CPEB1: variants seen among roughly 807,000 people sequenced by gnomAD.
The protein encoded by CPEB1 is cytoplasmic polyadenylation element-binding protein 1.
In CPEB1, 7 loss-of-function variants were observed where a neutral mutation model predicts 65.8. The observed-to-expected ratio is 0.11, with a 90% CI of 0.06 to 0.20. The LOEUF (loss-of-function observed/expected upper bound fraction) is 0.20. CPEB1 is among the 10% of genes least tolerant of loss of function. The probability of loss-of-function intolerance (pLI) is 1.00; values close to 1 mark genes in which losing one functional copy is unlikely to be tolerated. For synonymous variants in CPEB1, 262 were observed against 260.0 expected (o/e 1.01, Z -0.08); for missense variants, 551 against 712.2 (o/e 0.77, Z 2.58).
chr15:82,583,616 T>C (rs2041499314), intron 3 of CPEB1, among the ~76,000 whole-genome samples: 1 of 152,256 alleles, frequency 6.6e-6, no homozygotes, highest in Non-Finnish European at 1.5e-5. Flanking sequence ...CTTTTAGAAA[T>C]TTATCCTATG....
At chr15:82,640,421 T>C (rs1195858267) in intron 1 of CPEB1, among the ~76,000 whole-genome samples, 3 of 152,172 alleles carry the variant, frequency 2.0e-5, no homozygotes, top group East Asian at 3.8e-4. Flanking sequence ...CTAGTACCCC[T>C]TGCGCTTAAA....
chr15:82,602,400 T>C (rs1417439554), intron 3 of CPEB1, among the ~76,000 whole-genome samples: 1 of 152,130 alleles, frequency 6.6e-6, no homozygotes, highest in African/African-American at 2.4e-5. Flanking sequence ...TTAAAAACCA[T>C]GGGCCAAGAA....
intron 3 of CPEB1, among the ~76,000 whole-genome samples, chr15:82,621,615 T>C (rs905831424): frequency 1.5e-5 from 2 of 135,906 alleles, no homozygotes; most frequent in Admixed American, 1.4e-4. Flanking sequence ...TGAAACTCCA[T>C]CTCAGAAAAA....
At chr15:82,632,547 G>T (rs1405084557) in intron 1 of CPEB1, among the ~76,000 whole-genome samples, 4 of 152,054 alleles carry the variant, frequency 2.6e-5, no homozygotes, top group African/African-American at 7.2e-5. Context: ...ATGGGGTCTT[G>T]TTCTGTCCCC....
intron 3 of CPEB1, among the ~76,000 whole-genome samples, chr15:82,598,033 C>A (rs1471979585): frequency 1.3e-5 from 2 of 152,184 alleles, no homozygotes; most frequent in African/African-American, 2.4e-5. Flanking sequence ...GAACCAGGAA[C>A]CTGATGACAT....
At chr15:82,645,510 C>A (rs916058569) in intron 1 of CPEB1, among the ~76,000 whole-genome samples, 1 of 151,966 alleles carries the variant, frequency 6.6e-6, no homozygotes, top group African/African-American at 2.4e-5. Context: ...CCAAATCCTA[C>A]TTCTATAAAC....
At chr15:82,592,993 T>C (rs1391728586) in intron 3 of CPEB1, among the ~76,000 whole-genome samples, 2 of 152,132 alleles carry the variant, frequency 1.3e-5, no homozygotes, top group African/African-American at 2.4e-5. Context: ...CGATACTCCG[T>C]CTCAAAAAAA....
chr15:82,557,456 G>T, intron 5 of CPEB1: 1 of 350,876 alleles, frequency 2.9e-6, no homozygotes, highest in African/African-American at 2.1e-5. Flanking sequence ...ACAGAACACT[G>T]CCAGGGCCCT....
At chr15:82,628,910 A>G (rs1188370595) in intron 1 of CPEB1, 1 of 160,988 alleles carries the variant, frequency 6.2e-6, no homozygotes, top group Non-Finnish European at 1.4e-5. Flanking sequence ...CATACAAAAC[A>G]TGTGATCAAC....
chr15:82,626,428 G>A (rs1647149776), intron 3 of CPEB1, among the ~76,000 whole-genome samples: 4 of 151,882 alleles, frequency 2.6e-5, no homozygotes, highest in African/African-American at 7.3e-5. Flanking sequence ...GTGAGACTCC[G>A]TCCCAAAAAA....
At position 82,578,593 on chromosome 15, in the gene CPEB1, T is replaced by C. The variant is rs977752164; in HGVS notation, c.272-7061A>G. On this transcript the variant is annotated intron_variant, in intron 3 of 12. Transcript: ENST00000684509. ...AGACATGGCGAAACCCCATCTCAAC[T>C]AAAAAATACAAAAATTAGCCGGGTG... 5.3e-5 allele frequency among the ~76,000 whole-genome samples: 8 copies of C among 151,882 alleles called. 1 individual carries two copies. In the South Asian group the frequency reaches 1.2e-3, roughly 24 times the overall value.
intron 3 of CPEB1, among the ~76,000 whole-genome samples, chr15:82,620,068 C>T (rs191131891): frequency 6.6e-6 from 1 of 152,182 alleles, no homozygotes; most frequent in Non-Finnish European, 1.5e-5. Flanking sequence ...CAACAGGAAT[C>T]AATGACCCAC....
chr15:82,564,572 C>T (rs778183522), intron 4 of CPEB1, among the ~76,000 whole-genome samples: 2 of 152,106 alleles, frequency 1.3e-5, no homozygotes, highest in African/African-American at 2.4e-5. Context: ...GAATTACAGG[C>T]GTGAGCCACT....
chr15:82,594,077 C>T (rs2042479849), intron 3 of CPEB1, among the ~76,000 whole-genome samples: 2 of 152,186 alleles, frequency 1.3e-5, no homozygotes, highest in Non-Finnish European at 2.9e-5. Flanking sequence ...TTTAAAGTTA[C>T]CAGTTTCATT....
At chr15:82,556,845 T>C (rs1043468891) in intron 5 of CPEB1, among the ~76,000 whole-genome samples, 1 of 152,134 alleles carries the variant, frequency 6.6e-6, no homozygotes, top group South Asian at 2.1e-4. Flanking sequence ...ATAAAACCAA[T>C]GGTCAGTGAG....
At chr15:82,568,429 C>T (rs1382922479) in intron 4 of CPEB1, among the ~76,000 whole-genome samples, 1 of 152,118 alleles carries the variant, frequency 6.6e-6, no homozygotes, top group South Asian at 2.1e-4. Flanking sequence ...ACTCATCTTG[C>T]CCCCAAAGTC....
intron 6 of CPEB1, among the ~76,000 whole-genome samples, chr15:82,554,454 T>C (rs1021146995): frequency 3.3e-5 from 5 of 152,230 alleles, no homozygotes; most frequent in Non-Finnish European, 5.9e-5. Flanking sequence ...TTGTCTTGGC[T>C]CTGAACTCAT....
intron 3 of CPEB1, among the ~76,000 whole-genome samples, chr15:82,590,003 G>A (rs1300599499): frequency 2.6e-5 from 4 of 152,090 alleles, no homozygotes; most frequent in African/African-American, 9.7e-5. Flanking sequence ...TTTGGGTTAT[G>A]CACAGGAGGT....
intron 3 of CPEB1, among the ~76,000 whole-genome samples, chr15:82,626,796 T>C (rs1458963258): frequency 2.0e-5 from 3 of 152,248 alleles, no homozygotes; most frequent in Non-Finnish European, 4.4e-5. Context: ...AAAAATCTCA[T>C]TAATAGTTTT....
Sources: allele counts gnomAD v4.1 joint callset (sites outside exome capture counted in the v4.1 genomes callset), GRCh38; gene constraint gnomAD v4.1.1; transcripts MANE v1.5; gene names NCBI Gene and HGNC (gene_info 2026-07-23, HGNC 2026-07-21).